Variants in GABRA3 observed in about 807,000 individuals in gnomAD.
The protein encoded by GABRA3 is gamma-aminobutyric acid receptor subunit alpha-3.
GABRA3 carries 10 observed loss-of-function variants against 30.1 expected under a neutral mutation model. That is an observed-to-expected ratio of 0.33 (90% CI 0.20 to 0.56). The LOEUF (loss-of-function observed/expected upper bound fraction) is 0.56, where lower values mean the gene tolerates loss of function less well. Among genes scored for constraint, GABRA3 ranks in the 20% least tolerant of loss-of-function variants. The probability of loss-of-function intolerance (pLI) is 0.89; values close to 1 mark genes in which losing one functional copy is unlikely to be tolerated. For synonymous variants in GABRA3, 151 were observed against 146.8 expected (o/e 1.03, Z -0.21); for missense variants, 233 against 392.0 (o/e 0.59, Z 3.42).
chrX:152,349,602 T>C (rs1940444745), intron 2 of GABRA3, among the ~76,000 whole-genome samples: 2 of 106,209 alleles, frequency 1.9e-5, no homozygotes, highest in South Asian at 8.8e-4. Flanking sequence ...AATAAAAGGA[T>C]GGAGGAAGAT....
intron 3 of GABRA3, among the ~76,000 whole-genome samples, chrX:152,299,546 A>G (rs1237531678): frequency 3.6e-5 from 4 of 111,878 alleles, no homozygotes; most frequent in African/African-American, 1.3e-4. Context: ...AACGGAGAAT[A>G]AACTGCAAAA....
chrX:152,340,003 A>C (rs971885313), intron 3 of GABRA3, among the ~76,000 whole-genome samples: 1 of 112,119 alleles, frequency 8.9e-6, no homozygotes, highest in African/African-American at 3.2e-5. Context: ...ATGGGTGTTT[A>C]GATGATTTAT....
At chrX:152,251,145 ATGCTTCTG>A (rs769894658) in intron 5 of GABRA3, 1 of 332,226 alleles carries the variant, frequency 3.0e-6, no homozygotes, top group African/African-American at 2.7e-5. Context: ...TGGCTTCATC[ATGCTTCTG>A]TGCTTCTGTA....
chrX:152,329,186 G>A (rs1016231820), intron 3 of GABRA3, among the ~76,000 whole-genome samples: 1 of 111,675 alleles, frequency 9.0e-6, no homozygotes, highest in Admixed American at 9.5e-5. Flanking sequence ...ACTGCTCAAC[G>A]AAATAAAAGA....
At chrX:152,416,127 T>C (rs1263863657) in intron 1 of GABRA3, among the ~76,000 whole-genome samples, 7 of 102,415 alleles carry the variant, frequency 6.8e-5, no homozygotes, top group East Asian at 3.0e-4. Flanking sequence ...AAAACCCCAT[T>C]GTCTCAGCCC....
intron 6 of GABRA3, among the ~76,000 whole-genome samples, chrX:152,216,389 A>AACAC (rs60255687): frequency 0.016 from 1,251 of 77,588 alleles, 12 homozygotes; most frequent in Non-Finnish European, 0.026. Context: ...ATAATATATA[A>AACAC]ACACACACAC....
chrX:152,216,354 G>GA (rs1355496443), intron 6 of GABRA3, among the ~76,000 whole-genome samples: 1 of 100,974 alleles, frequency 9.9e-6, no homozygotes, highest in Non-Finnish European at 2.0e-5. Flanking sequence ...GTCCATCAAT[G>GA]AATGAATGAA....
intron 4 of GABRA3, among the ~76,000 whole-genome samples, chrX:152,278,561 A>G (rs993044953): frequency 7.2e-5 from 8 of 111,734 alleles, no homozygotes; most frequent in Non-Finnish European, 1.5e-4. Flanking sequence ...ATAGTGCCAC[A>G]ATAAACATAC....
At chrX:152,384,639 T>C (rs942979705) in intron 1 of GABRA3, among the ~76,000 whole-genome samples, 1 of 112,287 alleles carries the variant, frequency 8.9e-6, no homozygotes, top group Non-Finnish European at 1.9e-5. Flanking sequence ...GATCTAAATA[T>C]GAAAGGCAGA....
intron 3 of GABRA3, among the ~76,000 whole-genome samples, chrX:152,310,939 G>A (rs951275512): frequency 9.0e-6 from 1 of 111,241 alleles, no homozygotes; most frequent in Non-Finnish European, 1.9e-5. Flanking sequence ...GCACCTCTAT[G>A]ATCACAAACT....
chrX:152,298,413 C>A (rs1413034571), intron 3 of GABRA3, among the ~76,000 whole-genome samples: 1 of 105,192 alleles, frequency 9.5e-6, no homozygotes, highest in Non-Finnish European at 1.9e-5. Context: ...TGTGATGTTC[C>A]CCTTCCTGTG....
At chrX:152,243,609 C>T (rs147316529) in intron 5 of GABRA3, among the ~76,000 whole-genome samples, 92 of 111,459 alleles carry the variant, frequency 8.3e-4, no homozygotes, top group Non-Finnish European at 1.5e-3. Flanking sequence ...CTTGCAGATG[C>T]TAATTGAAGC....
At chrX:152,383,973 C>CAAAA (rs34355005) in intron 1 of GABRA3, among the ~76,000 whole-genome samples, 9 of 73,102 alleles carry the variant, frequency 1.2e-4, no homozygotes, top group Non-Finnish European at 2.0e-4. Context: ...GACTCCACCA[C>CAAAA]AAAAAAAAAA....
chrX:152,251,275 C>G (rs1158830570), intron 5 of GABRA3: 1 of 146,567 alleles, frequency 6.8e-6, no homozygotes, highest in East Asian at 2.4e-4. Context: ...GCCCAATTAT[C>G]ATCATCTTCC....
intron 2 of GABRA3, among the ~76,000 whole-genome samples, chrX:152,357,448 T>C (rs923532119): frequency 8.9e-6 from 1 of 112,108 alleles, no homozygotes; most frequent in African/African-American, 3.2e-5. Flanking sequence ...TGTCTGTTCA[T>C]GTCTGTTGCC....
At chrX:152,199,170 T>C (rs781459299) in intron 7 of GABRA3, among the ~76,000 whole-genome samples, 1 of 109,845 alleles carries the variant, frequency 9.1e-6, no homozygotes, top group East Asian at 2.9e-4. Context: ...ATCGAGACCA[T>C]CCTGGCTAAC....
At chrX:152,386,316 G>A (rs1420083318) in intron 1 of GABRA3, among the ~76,000 whole-genome samples, 2 of 110,392 alleles carry the variant, frequency 1.8e-5, no homozygotes, top group Non-Finnish European at 3.8e-5. Flanking sequence ...CACGTCCCTT[G>A]TAAGTTGGAT....
chrX:152,178,261 T>C (rs1445027880), intron 9 of GABRA3, among the ~76,000 whole-genome samples: 1 of 110,373 alleles, frequency 9.1e-6, no homozygotes, highest in Admixed American at 9.8e-5. Flanking sequence ...TGTGTGTGTG[T>C]GTGTGCGTGT....
At chrX:152,224,612 A>G (rs1352812275) in intron 6 of GABRA3, 151 bp downstream of exon 6, 10 of 371,467 alleles carry the variant, frequency 2.7e-5, no homozygotes, top group Non-Finnish European at 4.4e-5. Flanking sequence ...AGTTAGTACT[A>G]CTCAACCCCA....
Sources: allele counts gnomAD v4.1 joint callset (sites outside exome capture counted in the v4.1 genomes callset), GRCh38; gene constraint gnomAD v4.1.1; transcripts MANE v1.5; gene names NCBI Gene and HGNC (gene_info 2026-07-23, HGNC 2026-07-21).